CAPN9: variants seen among roughly 807,000 people sequenced by gnomAD.
CAPN9 encodes calpain 9, also known as calpain-9.
Under a neutral mutation model 92.8 loss-of-function variants are expected in CAPN9, and 81 were observed. The observed-to-expected ratio is 0.87, with a 90% CI of 0.73 to 1.05. CAPN9 has a LOEUF of 1.05. Ranked by LOEUF, CAPN9 falls within the 50% of genes least tolerant of loss-of-function variation. The probability of loss-of-function intolerance (pLI) is 0.00; values close to 1 mark genes in which losing one functional copy is unlikely to be tolerated. For synonymous variants in CAPN9, 304 were observed against 328.0 expected (o/e 0.93, Z 0.79); for missense variants, 848 against 866.2 (o/e 0.98, Z 0.26).
At chr1:230,784,782 G>A (rs1190248299) in intron 11 of CAPN9, among the ~76,000 whole-genome samples, 1 of 152,240 alleles carries the variant, frequency 6.6e-6, no homozygotes, top group Non-Finnish European at 1.5e-5. Context: ...TGAGGTTCAA[G>A]GTCTCGCACA....
chr1:230,785,017 G>A (rs1667484995), intron 11 of CAPN9, among the ~76,000 whole-genome samples: 1 of 152,244 alleles, frequency 6.6e-6, no homozygotes, highest in Admixed American at 6.5e-5. Flanking sequence ...TGGAGTCAAA[G>A]GAGATCACTT....
chr1:230,769,318 T>C, intron 6 of CAPN9, 55 bp downstream of exon 6: 1 of 1,255,740 alleles, frequency 8.0e-7, no homozygotes, highest in Non-Finnish European at 1.2e-6. Flanking sequence ...ACAATGCTAA[T>C]CCCTTAGGCA....
At chr1:230,761,194 C>A (rs140591245) in intron 3 of CAPN9, among the ~76,000 whole-genome samples, 1 of 152,088 alleles carries the variant, frequency 6.6e-6, no homozygotes, top group Non-Finnish European at 1.5e-5. Flanking sequence ...ATACTCCGCC[C>A]GCTCCCCTCC....
chr1:230,776,059 T>TA (rs1036003318), intron 8 of CAPN9: 4 of 152,078 alleles, frequency 2.6e-5, no homozygotes, highest in African/African-American at 7.2e-5. Flanking sequence ...TGGGTGGCTA[T>TA]AAAAAAATAC....
intron 17 of CAPN9, among the ~76,000 whole-genome samples, chr1:230,794,943 C>T (rs897157511): frequency 3.3e-5 from 5 of 152,196 alleles, no homozygotes; most frequent in Non-Finnish European, 7.3e-5. Context: ...CTGAGAGTCC[C>T]CCGCACACTC....
In CAPN9 at chr1:230,798,175, T is replaced by G. The variant is rs768731637; in HGVS notation, c.2001T>G (p.Ala667=). The change falls in exon 19 of 20, where the codon GCT becomes GCG. Residue 667 remains alanine (A), a synonymous_variant. Transcript: ENST00000271971. ...CTCTCCTATCAGGGGTGTTCCAGGC[T>G]CTCAGTACAAAGAACAAGGAGTTCA... ...RLENASRVFQ[A]LSTKNKEFIH... is the part of the protein sequence containing the mutation. The G allele has an allele frequency of 1.2e-6, 2 of 1,610,482 alleles. No individual in the cohort carries two copies. The highest frequency in any genetic ancestry group is 2.2e-5 in the South Asian group (2 of 91,010).
chr1:230,793,003 G>A, intron 17 of CAPN9, 75 bp downstream of exon 17: 2 of 1,124,242 alleles, frequency 1.8e-6, no homozygotes, highest in Non-Finnish European at 1.3e-6. Context: ...GCAGATGGCA[G>A]GTCTTCTCTC....
intron 2 of CAPN9, among the ~76,000 whole-genome samples, chr1:230,756,970 A>C (rs1197137906): frequency 1.3e-5 from 2 of 149,994 alleles, no homozygotes; most frequent in Non-Finnish European, 3.0e-5. Flanking sequence ...AAAAGGAAGG[A>C]AAGAAGGAAG....
At chr1:230,799,578 A>G (rs1020371452) in intron 19 of CAPN9, among the ~76,000 whole-genome samples, 2 of 152,216 alleles carry the variant, frequency 1.3e-5, no homozygotes, top group Non-Finnish European at 2.9e-5. Context: ...TCTCAAAAAT[A>G]TTAGCTATTT....
rs1572062529 is a variant in CAPN9, at chr1:230,780,132, G to A, written c.1115-47G>A. ...TGTGTGTGTGTGTGTGGTCTTTGTG[G>A]GTTGTTTTTTAAAAGGGGAAAATAA... On this transcript the variant is annotated intron_variant, in intron 9 of 19. Coordinates refer to ENST00000271971, the MANE Select transcript of CAPN9 (RefSeq NM_006615.3). 2.5e-6 allele frequency: 3 copies of A among 1,193,210 alleles called. No individual in the cohort carries two copies. The East Asian group carries it at 7.6e-5, about 30-fold the overall frequency. 73.9% of individuals were successfully genotyped at this position (1,193,210 alleles called of 1,614,324 possible). A position where few individuals can be genotyped will look rare whatever the true frequency, so the allele number is the denominator to read the frequency against.
rs1256084477 is a variant in CAPN9 at position 230,786,029 on chromosome 1, G to C, written c.1518+12G>C. ...TTGACCTTCCTGAGGTGAGTCTTCT[G>C]ATGTTGCTATGGAGTATGGGATTCA... On this transcript the variant is annotated intron_variant, in intron 12 of 19. Coordinates refer to ENST00000271971, the MANE Select transcript of CAPN9 (RefSeq NM_006615.3). 1 of 1,613,444 alleles carries C rather than the reference G, an allele frequency of 6.2e-7. No homozygotes were observed. The highest frequency in any genetic ancestry group is 8.5e-7 in the Non-Finnish European group (1 of 1,179,478).
intron 1 of CAPN9, among the ~76,000 whole-genome samples, chr1:230,750,237 C>T (rs542276953): frequency 6.6e-6 from 1 of 152,206 alleles, no homozygotes; most frequent in Non-Finnish European, 1.5e-5. Flanking sequence ...TGCCCCTGTA[C>T]CAGCCCTCTG....
At chr1:230,788,166 T>C (rs1667739517) in intron 13 of CAPN9, among the ~76,000 whole-genome samples, 1 of 152,176 alleles carries the variant, frequency 6.6e-6, no homozygotes, top group Non-Finnish European at 1.5e-5. Flanking sequence ...GGTGCTTTCT[T>C]TGGGAGGCTA....
chr1:230,792,723 C>T (rs937852328), intron 16 of CAPN9, 127 bp from the exon 17 acceptor site: 4 of 829,250 alleles, frequency 4.8e-6, no homozygotes, highest in African/African-American at 3.4e-5. Context: ...TTGGAAGGCC[C>T]AGTCCAACTG....
Position 230,790,663 on chromosome 1 carries a change from G to T in CAPN9, c.1657+474G>T, listed in dbSNP as rs576745588. On this transcript the variant is annotated intron_variant, in intron 14 of 19. Transcript: ENST00000271971. ...TTTTATATAAAAGGAATCATAGGCC[G>T]GGTGCGGTGGCTCACGCCTGTAATC... Among the ~76,000 whole-genome samples, 26 of 152,264 alleles carry T rather than the reference G, an allele frequency of 1.7e-4. 1 individual carries two copies. The South Asian group carries it at 5.4e-3, about 32-fold the overall frequency.
intron 1 of CAPN9, among the ~76,000 whole-genome samples, chr1:230,752,871 G>C (rs1050234268): frequency 2.0e-5 from 3 of 152,184 alleles, no homozygotes; most frequent in African/African-American, 4.8e-5. Flanking sequence ...GCTGGTGACA[G>C]ATGAGGATGC....
In CAPN9 at chr1:230,801,558, C is replaced by G. The variant is rs781303244; in HGVS notation, c.2047-12C>G. 3.8e-5 allele frequency: 61 copies of G among 1,613,818 alleles called. No individual in the cohort carries two copies. The highest frequency in any genetic ancestry group is 5.0e-5 in the Non-Finnish European group (59 of 1,179,800). Reference sequence around the variant, plus strand: ...GGACAACGACCCCTCATCTCTCTCTCTCTCTTCCCAGTTCATCCATTTGAC... The same window carrying G: ...GGACAACGACCCCTCATCTCTCTCTGTCTCTTCCCAGTTCATCCATTTGAC... On this transcript the variant is annotated splice_polypyrimidine_tract_variant and intron_variant, in intron 19 of 19. Coordinates refer to ENST00000271971, the MANE Select transcript of CAPN9 (RefSeq NM_006615.3).
chr1:230,750,215 C>T (rs1187116779), intron 1 of CAPN9, among the ~76,000 whole-genome samples: 1 of 152,196 alleles, frequency 6.6e-6, no homozygotes, highest in Non-Finnish European at 1.5e-5. Flanking sequence ...CCCCGACCTG[C>T]CACCCAGCCC....
At chr1:230,787,795 G>C (rs945656812) in intron 13 of CAPN9, among the ~76,000 whole-genome samples, 193 bp downstream of exon 13, 2 of 152,234 alleles carry the variant, frequency 1.3e-5, no homozygotes, top group African/African-American at 4.8e-5. Context: ...TACACAGTCT[G>C]CGGCTGTGGA....
Sources: gnomAD v4.1 joint callset for allele counts (sites outside exome capture counted in the v4.1 genomes callset) on GRCh38, gnomAD v4.1.1 for gene constraint, MANE v1.5 for transcripts, NCBI Gene and HGNC (gene_info 2026-07-23, HGNC 2026-07-21) for gene names.